Variants in PTPRD observed in about 807,000 individuals in gnomAD.
PTPRD encodes receptor-type tyrosine-protein phosphatase delta.
In PTPRD, 34 loss-of-function variants were observed where a neutral mutation model predicts 214.5. The ratio of observed to expected loss-of-function variants is 0.16; its 90% CI spans 0.12 to 0.21. The LOEUF is 0.21. Among genes scored for constraint, PTPRD ranks in the 10% least tolerant of loss-of-function variants. The pLI is 1.00. For missense variants in PTPRD, 2,545 were observed against 2,398.7 expected (o/e 1.06, Z -1.27); for synonymous variants, 1,128 against 845.7 (o/e 1.33, Z -5.79).
chr9:9,057,625 A>C (rs1444291409), intron 10 of PTPRD, among the ~76,000 whole-genome samples: 1 of 151,794 alleles, frequency 6.6e-6, no homozygotes, highest in Non-Finnish European at 1.5e-5. Context: ...TACCGTAATA[A>C]TTTCTCGTAA....
chr9:10,373,669 T>C (rs2097674366), intron 2 of PTPRD, among the ~76,000 whole-genome samples: 1 of 152,052 alleles, frequency 6.6e-6, no homozygotes, highest in African/African-American at 2.4e-5. Flanking sequence ...TTTGCCTCAA[T>C]TTCTCTTTTT....
rs114683675 is a variant in PTPRD at position 9,344,639 on chromosome 9, C to T, written c.-203+52810G>A. On this transcript the variant is annotated intron_variant, in intron 9 of 45. Transcript: ENST00000381196. ...ATAAAAGATATCTAGAAGGTCTGCA[C>T]CACAATGTTTCTGTATTCTGAAAAT... 5.9e-3 allele frequency among the ~76,000 whole-genome samples: 898 copies of T among 152,054 alleles called. 6 individuals carry two copies. The highest frequency in any genetic ancestry group is 0.021 in the African/African-American group (868 of 41,490).
intron 2 of PTPRD, among the ~76,000 whole-genome samples, chr9:10,576,057 T>C (rs1370886187): frequency 6.6e-6 from 1 of 152,162 alleles, no homozygotes; most frequent in African/African-American, 2.4e-5. Context: ...GGCAGGCCTG[T>C]TGGAGTCTAA....
chr9:10,367,825 A>G (rs1273888989), intron 2 of PTPRD, among the ~76,000 whole-genome samples: 1 of 152,072 alleles, frequency 6.6e-6, no homozygotes, highest in Non-Finnish European at 1.5e-5. Flanking sequence ...CTTGATTGGA[A>G]CTTGTAGGAA....
At chr9:8,429,421 A>C (rs1300066386) in intron 35 of PTPRD, among the ~76,000 whole-genome samples, 1 of 152,172 alleles carries the variant, frequency 6.6e-6, no homozygotes, top group Non-Finnish European at 1.5e-5. Context: ...ATATTAAAAA[A>C]CATGACCTAA....
At chr9:8,487,023 C>T (rs1026046352) in intron 27 of PTPRD, among the ~76,000 whole-genome samples, 3 of 152,026 alleles carry the variant, frequency 2.0e-5, no homozygotes, top group Non-Finnish European at 2.9e-5. Flanking sequence ...AAAATAATAT[C>T]GTATTGACTT....
chr9:10,405,520 A>C (rs1451918910), intron 2 of PTPRD, among the ~76,000 whole-genome samples: 1 of 59,802 alleles, frequency 1.7e-5, no homozygotes, highest in East Asian at 7.9e-4. Flanking sequence ...TTAATTCACT[A>C]AACAAGGAAA....
Position 8,935,165 on chromosome 9 carries a change from C to T in PTPRD, c.-104+83532G>A, listed in dbSNP as rs989480421. Among the ~76,000 whole-genome samples the T allele has an allele frequency of 5.3e-5, 8 of 152,102 alleles. No individual in the cohort carries two copies. In the East Asian group the frequency reaches 1.2e-3, roughly 22 times the overall value. On this transcript the variant is annotated intron_variant, in intron 11 of 45. Transcript: ENST00000381196. ...TCTTGAAAAGGAAGAAGTAAAATTG[C>T]CTCTGTTTGCATATGACACCATCTT...
At chr9:9,157,637 C>T (rs1160346121) in intron 10 of PTPRD, among the ~76,000 whole-genome samples, 3 of 152,134 alleles carry the variant, frequency 2.0e-5, no homozygotes, top group Non-Finnish European at 4.4e-5. Context: ...CTTCTCCCAT[C>T]AAAGAGAAGC....
At chr9:10,546,098 A>C (rs1206700804) in intron 2 of PTPRD, among the ~76,000 whole-genome samples, 1 of 152,114 alleles carries the variant, frequency 6.6e-6, no homozygotes, top group Non-Finnish European at 1.5e-5. Flanking sequence ...AGTAATTATA[A>C]ATATCCCTTG....
chr9:9,521,890 G>T (rs1380294297), intron 8 of PTPRD, among the ~76,000 whole-genome samples: 1 of 152,142 alleles, frequency 6.6e-6, no homozygotes, highest in African/African-American at 2.4e-5. Flanking sequence ...AGGTGCAGTG[G>T]CTCACGCCTG....
chr9:10,300,936 C>G (rs967419077), intron 3 of PTPRD, among the ~76,000 whole-genome samples: 6 of 152,148 alleles, frequency 3.9e-5, no homozygotes, highest in Non-Finnish European at 7.3e-5. Context: ...ACTGCCTCCT[C>G]AAGTGGATCA....
chr9:9,693,866 A>G (rs979382694), intron 7 of PTPRD, among the ~76,000 whole-genome samples: 5 of 152,266 alleles, frequency 3.3e-5, no homozygotes, highest in Middle Eastern at 6.8e-3. Context: ...TTGCTTGATC[A>G]ATTCTGCTAT....
chr9:9,244,887 T>C (rs1337242597), intron 9 of PTPRD, among the ~76,000 whole-genome samples: 1 of 152,116 alleles, frequency 6.6e-6, no homozygotes, highest in East Asian at 1.9e-4. Flanking sequence ...AATCTACTCA[T>C]CTGACAAAGG....
intron 12 of PTPRD, among the ~76,000 whole-genome samples, chr9:8,663,757 T>C (rs2097115152): frequency 6.6e-6 from 1 of 152,078 alleles, no homozygotes; most frequent in Non-Finnish European, 1.5e-5. Flanking sequence ...TCCCAAAATG[T>C]TGGGATTACA....
At chr9:9,757,191 T>C (rs1485335176) in intron 6 of PTPRD, among the ~76,000 whole-genome samples, 2 of 152,162 alleles carry the variant, frequency 1.3e-5, no homozygotes, top group Non-Finnish European at 2.9e-5. Flanking sequence ...AGAGTAAAAG[T>C]GCAAAGGATA....
intron 36 of PTPRD, among the ~76,000 whole-genome samples, chr9:8,395,015 C>G (rs904499704): frequency 6.6e-6 from 1 of 152,096 alleles, no homozygotes; most frequent in Admixed American, 6.6e-5. Context: ...GGCTGCACTA[C>G]AGAGATGGAG....
intron 9 of PTPRD, among the ~76,000 whole-genome samples, chr9:9,230,612 T>C (rs1186120569): frequency 6.6e-6 from 1 of 152,050 alleles, no homozygotes; most frequent in Non-Finnish European, 1.5e-5. Context: ...TAACTACATT[T>C]AGATGATGTC....
intron 5 of PTPRD, among the ~76,000 whole-genome samples, chr9:9,883,574 G>A (rs1322969365): frequency 3.3e-5 from 5 of 152,100 alleles, no homozygotes; most frequent in African/African-American, 1.2e-4. Context: ...ATTTTAAGAA[G>A]AATAGATCAT....
Sources: allele counts gnomAD v4.1 joint callset (sites outside exome capture counted in the v4.1 genomes callset), GRCh38; gene constraint gnomAD v4.1.1; transcripts MANE v1.5; gene names NCBI Gene and HGNC (gene_info 2026-07-23, HGNC 2026-07-21).